TNN: variants seen among roughly 807,000 people sequenced by gnomAD.
TNN encodes tenascin-N.
A neutral mutation model predicts 134.4 loss-of-function variants in TNN; 122 were observed. The ratio of observed to expected loss-of-function variants is 0.91; its 90% confidence interval spans 0.78 to 1.06. TNN has a LOEUF of 1.06. Ranked by LOEUF, TNN falls within the 50% of genes least tolerant of loss-of-function variation. TNN has a pLI of 0.00. For missense variants in TNN, 1,739 were observed against 1,699.4 expected, an observed-to-expected ratio of 1.02 and a Z score of -0.41; for synonymous variants, 710 against 670.3, an observed-to-expected ratio of 1.06 and a Z score of -0.91.
At position 175,077,626 on chromosome 1, in the gene TNN, G is replaced by C. The variant is rs41266076; in HGVS notation, c.208G>C (p.Ala70Pro). The stretch of plus-strand genomic sequence containing the variant: ...CCCTCAGCCCCTCAGTGACGATGGG[G>C]CTTCGCTCTTGGCCCTGGGGGAGGC... ...ADPQPLSDDG[A>P]SLLALGEARE... Residue 70 changes from alanine (A) to proline (P), a missense_variant, in exon 2 of 19, where the codon GCT becomes CCT. Coordinates refer to ENST00000239462, the MANE Select transcript of TNN (RefSeq NM_022093.2). 5 of 1,614,214 alleles carry C rather than the reference G, an allele frequency of 3.1e-6. No individual in the cohort carries two copies. The highest frequency in any genetic ancestry group is 1.3e-5 in the African/African-American group (1 of 75,070).
intron 1 of TNN, among the ~76,000 whole-genome samples, chr1:175,076,503 A>T (rs746919987): frequency 6.6e-6 from 1 of 152,240 alleles, no homozygotes; most frequent in Non-Finnish European, 1.5e-5. Flanking sequence ...GGACAGGTCC[A>T]TTTCTCTGAA....
chr1:175,097,725 T>A (rs2149432886), intron 8 of TNN, 42 bp downstream of exon 8: 3 of 1,611,966 alleles, frequency 1.9e-6, no homozygotes, highest in Non-Finnish European at 2.5e-6. Context: ...AGTTTTAGCT[T>A]GTGGATTTGA....
At position 175,106,499 on chromosome 1, in the gene TNN, A is replaced by G. The variant is rs909700354; in HGVS notation, c.2119+7904A>G. 6.9e-5 allele frequency among the ~76,000 whole-genome samples: 10 copies of G among 145,884 alleles called. 1 individual carries two copies. The highest frequency in any genetic ancestry group is 1.5e-4 in the Non-Finnish European group (10 of 65,786). ...AGCCCGGGTGCCTAAAGAAGGTAAC[A>G]GAGTCCTGGAGTTTATACTAGAAAT... On this transcript the variant is annotated intron_variant, in intron 9 of 18. Transcript: ENST00000239462.
intron 15 of TNN, among the ~76,000 whole-genome samples, chr1:175,135,613 A>C (rs1334665766): frequency 5.3e-5 from 8 of 152,224 alleles, no homozygotes; most frequent in Non-Finnish European, 1.0e-4. Context: ...TGAGGGCAGG[A>C]ACCTTCTCTG....
chr1:175,085,782 G>A (rs1235220457), intron 6 of TNN, among the ~76,000 whole-genome samples: 1 of 148,694 alleles, frequency 6.7e-6, no homozygotes, highest in African/African-American at 2.5e-5. Flanking sequence ...ACTGAGGCAA[G>A]AGAATTGCTT....
chr1:175,132,506 AAG>A (rs1162879673), intron 15 of TNN, among the ~76,000 whole-genome samples: 1 of 152,236 alleles, frequency 6.6e-6, no homozygotes, highest in Non-Finnish European at 1.5e-5. Context: ...GCAAAGGGGA[AAG>A]AGAACAACAA....
intron 1 of TNN, among the ~76,000 whole-genome samples, chr1:175,074,423 T>A (rs752016738): frequency 6.8e-6 from 1 of 147,426 alleles, no homozygotes; most frequent in Non-Finnish European, 1.5e-5. Context: ...AGGTGGACAT[T>A]GCAGTGAGCC....
intron 18 of TNN, among the ~76,000 whole-genome samples, chr1:175,146,702 G>C (rs1163199347): frequency 6.6e-6 from 1 of 151,782 alleles, no homozygotes; most frequent in African/African-American, 2.4e-5. Flanking sequence ...CTTCCAAATC[G>C]TCCAAGTCCT....
chr1:175,127,340 C>T (rs930338519), intron 13 of TNN, among the ~76,000 whole-genome samples: 2 of 152,054 alleles, frequency 1.3e-5, no homozygotes, highest in African/African-American at 4.8e-5. Context: ...GGTAGGTGTT[C>T]GATATATATT....
chr1:175,098,482 A>G lies in TNN; in HGVS notation c.2006A>G (p.Glu669Gly). 1 of 1,614,118 alleles carries G rather than the reference A, an allele frequency of 6.2e-7. No individual in the cohort carries two copies. The change falls in exon 9 of 19, where the codon GAG (glutamate) becomes GGG (glycine). Residue 669 changes from glutamate to glycine, a missense_variant. Coordinates refer to ENST00000239462, the MANE Select transcript of TNN (RefSeq NM_022093.2). ...GETREVPVGK[E>G]QSSTVLTGLR... ...ACCAGGGAGGTTCCGGTGGGGAAGG[A>G]GCAGAGCAGCACAGTCCTGACAGGC...
Position 175,079,312 on chromosome 1 carries a change from T to C in TNN, c.410-21T>C, listed in dbSNP as rs746555274. On this transcript the variant is annotated intron_variant, in intron 2 of 18. Transcript: ENST00000239462. ...CGCACAACCCTTCAACCCAACCTAC[T>C]GTTTCTCCTCTCCCTCCCAGATCTA... 48 of 1,567,444 alleles carry C rather than the reference T, an allele frequency of 3.1e-5. No homozygotes were observed. The South Asian group carries it at 5.5e-4, about 18-fold the overall frequency.
intron 18 of TNN, among the ~76,000 whole-genome samples, chr1:175,145,003 C>G (rs1326990452): frequency 1.3e-5 from 2 of 152,106 alleles, no homozygotes; most frequent in African/African-American, 4.8e-5. Context: ...ACCTTGCTGG[C>G]TTGTGGCTGT....
At chr1:175,123,779 T>C (rs1675443825) in intron 12 of TNN, 116 bp downstream of exon 12, 1 of 1,461,074 alleles carries the variant, frequency 6.8e-7, no homozygotes, top group Admixed American at 2.4e-5. Flanking sequence ...AGGACATTCT[T>C]CAAAGTGGTT....
rs1283750396 is a variant in TNN, at chr1:175,070,413, G to GA, written c.-36+2478_-36+2479insA. Among the ~76,000 whole-genome samples, 244 of 152,316 alleles carry GA rather than the reference G, an allele frequency of 1.6e-3. 1 individual carries two copies. The highest frequency in any genetic ancestry group is 5.7e-3 in the African/African-American group (238 of 41,562). On this transcript the variant is annotated intron_variant, in intron 1 of 18. Coordinates refer to ENST00000239462, the MANE Select transcript of TNN (RefSeq NM_022093.2). The stretch of plus-strand genomic sequence containing the variant: ...CCATCCTTGATCTTTTCAAGCCTCA[G>GA]GCGGGTGGGCAGACTTGATGGGATG...
chr1:175,085,829 G>A (rs376949550), intron 6 of TNN, among the ~76,000 whole-genome samples: 17 of 141,328 alleles, frequency 1.2e-4, no homozygotes, highest in Admixed American at 2.2e-4. Flanking sequence ...AGCCGAGATC[G>A]TGCCATTGCA....
At position 175,075,784 on chromosome 1, in the gene TNN, G is replaced by A. The variant is rs1201451922; in HGVS notation, c.-35-1600G>A. ...CCCACGTTACAGACAAGGAGGCGGA[G>A]GCTCAGGATGAGGAGCATTTTTAGG... On this transcript the variant is annotated intron_variant, in intron 1 of 18. Coordinates refer to ENST00000239462, the MANE Select transcript of TNN (RefSeq NM_022093.2). 3.3e-5 allele frequency among the ~76,000 whole-genome samples: 5 copies of A among 152,186 alleles called. No individual in the cohort carries two copies. The East Asian group carries it at 9.6e-4, about 29-fold the overall frequency.
At chr1:175,075,422 A>C (rs1420196885) in intron 1 of TNN, among the ~76,000 whole-genome samples, 1 of 151,936 alleles carries the variant, frequency 6.6e-6, no homozygotes, top group Non-Finnish European at 1.5e-5. Flanking sequence ...TCAGCCTCCC[A>C]AGAAGCTGGG....
intron 1 of TNN, among the ~76,000 whole-genome samples, chr1:175,070,050 A>G (rs1051665430): frequency 6.6e-6 from 1 of 152,184 alleles, no homozygotes; most frequent in South Asian, 2.1e-4. Context: ...TGGTTGAATA[A>G]GGGAGAGGAA....
chr1:175,146,905 T>C, intron 18 of TNN, 26 bp from the exon 19 acceptor site: 1 of 1,478,268 alleles, frequency 6.8e-7, no homozygotes, highest in Non-Finnish European at 9.0e-7. Context: ...CTCTTCTTGA[T>C]GTGGCTTTTT....
Sources: allele counts gnomAD v4.1 joint callset (sites outside exome capture counted in the v4.1 genomes callset), GRCh38; gene constraint gnomAD v4.1.1; transcripts MANE v1.5; gene names NCBI Gene and HGNC (gene_info 2026-07-23, HGNC 2026-07-21).